Variants in TVP23A observed in about 807,000 individuals in gnomAD.
TVP23A encodes trans-golgi network vesicle protein 23 homolog A, also known as Golgi apparatus membrane protein TVP23 homolog A.
In TVP23A, 21 loss-of-function variants were observed where a neutral mutation model predicts 31.7. The ratio of observed to expected loss-of-function variants is 0.66; its 90% CI spans 0.47 to 0.95. The LOEUF is 0.95. TVP23A is among the 40% of genes least tolerant of loss of function. The pLI, the probability that TVP23A is intolerant of heterozygous loss-of-function variation, is 0.00. For missense variants in TVP23A, 279 were observed against 255.6 expected (o/e 1.09, Z -0.62); for synonymous variants, 104 against 96.0 (o/e 1.08, Z -0.49).
chr16:10,810,546 CAA>C (rs796925406), intron 2 of TVP23A, among the ~76,000 whole-genome samples: 48 of 93,210 alleles, frequency 5.1e-4, no homozygotes, highest in Admixed American at 6.2e-4. Flanking sequence ...GACCCTGTCT[CAA>C]AAAAAAAAAA....
Position 10,772,426 on chromosome 16 carries a change from G to A in TVP23A, c.454-628C>T, listed in dbSNP as rs1179040213. Among the ~76,000 whole-genome samples, 3 of 152,112 alleles carry A rather than the reference G, an allele frequency of 2.0e-5. 1 individual carries two copies. Among genetic ancestry groups the A allele is most frequent in the East Asian group, 3.9e-4 (2 of 5,180 alleles). On this transcript the variant is annotated intron_variant, in intron 5 of 7. Transcript: ENST00000299866. ...ACTCTGTCACCCAGGCTGAAGTGCT[G>A]TGGCACGATCTTGGCTCACTGCAAC... is the stretch of plus-strand genomic sequence containing the variant.
intron 7 of TVP23A, among the ~76,000 whole-genome samples, 153 bp downstream of exon 7, chr16:10,770,119 C>A (rs967868290): frequency 1.3e-5 from 2 of 152,272 alleles, no homozygotes; most frequent in Non-Finnish European, 2.9e-5. Flanking sequence ...CCAGGGCAGG[C>A]CCATTGCCCA....
chr16:10,781,957 G>A (rs949188357), intron 2 of TVP23A, among the ~76,000 whole-genome samples: 6 of 147,074 alleles, frequency 4.1e-5, no homozygotes, highest in African/African-American at 1.5e-4. Flanking sequence ...CGCCTCCCGG[G>A]TTCAAGCAAT....
At position 10,777,018 on chromosome 16, in the gene TVP23A, C is replaced by CA; in HGVS notation, c.90-1923dup. ...CTGTATCCTGTGCGACCTCCTATCT[C>CA]ATCCTGTGACTTAGAATGCCTTAAC... is the stretch of plus-strand genomic sequence containing the variant. On this transcript the variant is annotated intron_variant, in intron 2 of 7. Coordinates refer to ENST00000299866, the MANE Select transcript of TVP23A (RefSeq NM_001079512.4). This position sits in a 1 kb window ranked among gnomAD's most constrained non-coding sequence, Gnocchi z 4.5. Among the ~76,000 whole-genome samples, 1 of 152,302 alleles carries CA rather than the reference C, an allele frequency of 6.6e-6. No homozygotes were observed. The highest frequency in any genetic ancestry group is 2.1e-4 in the South Asian group (1 of 4,818).
At chr16:10,802,859 C>G (rs1266686765) in intron 2 of TVP23A, among the ~76,000 whole-genome samples, 1 of 152,114 alleles carries the variant, frequency 6.6e-6, no homozygotes, top group Non-Finnish European at 1.5e-5. Context: ...ATTTGGTGCT[C>G]CACATAATCA....
At chr16:10,812,877 TTTTTTTAATCACAG>T (rs1291582780) in intron 2 of TVP23A, among the ~76,000 whole-genome samples, 2 of 152,138 alleles carry the variant, frequency 1.3e-5, no homozygotes, top group Admixed American at 1.3e-4. Flanking sequence ...CGCTGTGGGT[TTTTTTTAATCACAG>T]TTTTTTAAAG....
At chr16:10,760,037 A>T (rs1900834772), downstream of TVP23A, among the ~76,000 whole-genome samples, 1 of 152,218 alleles carries the variant, frequency 6.6e-6, no homozygotes, top group Non-Finnish European at 1.5e-5. Context: ...GAAAATAGGG[A>T]GCTACTGAGC....
At chr16:10,770,802 G>A (rs548975529) in intron 6 of TVP23A, among the ~76,000 whole-genome samples, 12 of 145,798 alleles carry the variant, frequency 8.2e-5, no homozygotes, top group South Asian at 4.4e-4. Flanking sequence ...ACCCGGAGCC[G>A]GAGGTTGCAG....
chr16:10,800,656 C>G (rs2033651306), intron 2 of TVP23A, among the ~76,000 whole-genome samples: 1 of 152,130 alleles, frequency 6.6e-6, no homozygotes, highest in Non-Finnish European at 1.5e-5. Flanking sequence ...TTTATTTATT[C>G]TTTTTGAACA....
chr16:10,812,147 A>G (rs1039450329), intron 2 of TVP23A, among the ~76,000 whole-genome samples: 4 of 152,182 alleles, frequency 2.6e-5, no homozygotes, highest in Non-Finnish European at 5.9e-5. Flanking sequence ...TAGCACATGA[A>G]AAAATGCTCA....
intron 2 of TVP23A, among the ~76,000 whole-genome samples, chr16:10,794,344 T>C (rs1238755098): frequency 2.6e-5 from 4 of 152,196 alleles, no homozygotes; most frequent in Admixed American, 6.5e-5. Context: ...TATCCTCACA[T>C]GTTCTTATAA....
chr16:10,761,142 C>T (rs981583311), downstream of TVP23A: 13 of 440,434 alleles, frequency 3.0e-5, no homozygotes, highest in South Asian at 3.0e-4. Flanking sequence ...ATCCAATCAC[C>T]TCCCACCAGG....
At chr16:10,759,696 A>G (rs1900807719), downstream of TVP23A, among the ~76,000 whole-genome samples, 1 of 152,162 alleles carries the variant, frequency 6.6e-6, no homozygotes, top group African/African-American at 2.4e-5. The surrounding 1 kb of genome is among the most constrained non-coding windows in gnomAD (Gnocchi z 4.7). Flanking sequence ...GAAGTGCTTG[A>G]ATCCAGGAGA....
At chr16:10,793,331 C>T (rs1435086827) in intron 2 of TVP23A, among the ~76,000 whole-genome samples, 1 of 152,074 alleles carries the variant, frequency 6.6e-6, no homozygotes, top group African/African-American at 2.4e-5. Context: ...TCTGGGTATG[C>T]TCAGCATCAA....
At chr16:10,797,125 G>A (rs1218643621) in intron 2 of TVP23A, among the ~76,000 whole-genome samples, 1 of 151,718 alleles carries the variant, frequency 6.6e-6, no homozygotes, top group East Asian at 1.9e-4. Context: ...GGAGGTCGAG[G>A]CTATAATGAG....
intron 2 of TVP23A, among the ~76,000 whole-genome samples, chr16:10,787,894 A>G (rs761823523): frequency 1.3e-5 from 2 of 152,172 alleles, no homozygotes; most frequent in African/African-American, 2.4e-5. Flanking sequence ...AAAATGAGAC[A>G]GTAACATTTG....
At chr16:10,759,539 C>T (rs1258882090), downstream of TVP23A, among the ~76,000 whole-genome samples, 2 of 152,040 alleles carry the variant, frequency 1.3e-5, no homozygotes, top group Non-Finnish European at 2.9e-5. This position sits in a 1 kb window ranked among gnomAD's most constrained non-coding sequence, Gnocchi z 4.7. Context: ...TTTGGGAGGC[C>T]GAGGCAGGCA....
At chr16:10,797,865 C>G (rs2033476012) in intron 2 of TVP23A, among the ~76,000 whole-genome samples, 3 of 151,618 alleles carry the variant, frequency 2.0e-5, no homozygotes. Flanking sequence ...AATTGGGCAT[C>G]ATTGAATGAG....
chr16:10,768,047 G>A lies in TVP23A; in HGVS notation c.*1055C>T. The A allele has an allele frequency of 6.2e-7, 1 of 1,612,128 alleles. No individual in the cohort carries two copies. The highest frequency in any genetic ancestry group is 8.5e-7 in the Non-Finnish European group (1 of 1,178,394). The stretch of plus-strand genomic sequence containing the variant: ...TATAATTCAGAGTAAGTATTTCCAT[G>A]AGTACTAAATGCAGATGCCTGTGGG... On this transcript the variant is annotated 3_prime_UTR_variant, in exon 8 of 8. Coordinates refer to ENST00000299866, the MANE Select transcript of TVP23A (RefSeq NM_001079512.4). The surrounding 1 kb of genome is among the most constrained non-coding windows in gnomAD (Gnocchi z 4.3).
Sources: gnomAD v4.1 joint callset for allele counts (sites outside exome capture counted in the v4.1 genomes callset) on GRCh38, gnomAD v4.1.1 for gene constraint, Gnocchi (gnomAD v3.1) non-coding constraint, MANE v1.5 for transcripts, NCBI Gene and HGNC (gene_info 2026-07-23, HGNC 2026-07-21) for gene names.